CHRNE: variants seen among roughly 807,000 people sequenced by gnomAD.
CHRNE encodes the protein acetylcholine receptor subunit epsilon.
CHRNE carries 58 observed loss-of-function variants against 56.5 expected under a neutral mutation model. That is an observed-to-expected ratio of 1.03 (90% CI 0.83 to 1.28). The LOEUF is 1.28. Among genes scored for constraint, CHRNE ranks in the 50% most tolerant of loss-of-function variants. CHRNE has a pLI of 0.00. For missense variants in CHRNE, 793 were observed against 688.9 expected (o/e 1.15, Z -1.69); for synonymous variants, 385 against 297.9 (o/e 1.29, Z -3.01).
intron 6 of CHRNE, 120 bp downstream of exon 6, chr17:4,901,405 G>A: frequency 1.9e-6 from 2 of 1,041,706 alleles, no homozygotes; most frequent in Non-Finnish European, 3.0e-6. Flanking sequence ...ACAGGGGTAA[G>A]CTAAACCCAG....
chr17:4,907,984 G>C (rs1970112751), upstream of CHRNE, among the ~76,000 whole-genome samples: 1 of 152,092 alleles, frequency 6.6e-6, no homozygotes, highest in African/African-American at 2.4e-5. Context: ...GGACCAGCCT[G>C]ATCAACATGG....
At position 4,900,975 on chromosome 17, in the gene CHRNE, G is replaced by A. The variant is rs374113313; in HGVS notation, c.802+15C>T. 6.2e-7 allele frequency: 1 copy of A among 1,613,950 alleles called. No individual in the cohort carries two copies. The highest frequency in any genetic ancestry group is 8.5e-7 in the Non-Finnish European group (1 of 1,179,862). ...CGAGCCCGGGTTTGGGGGTAGGTTCGGGGCCACTGCTTACCCTGCGCCGGC... is the reference window on the plus strand; with the variant it reads ...CGAGCCCGGGTTTGGGGGTAGGTTCAGGGCCACTGCTTACCCTGCGCCGGC... On this transcript the variant is annotated intron_variant, in intron 7 of 11. Transcript: ENST00000649488.
intron 8 of CHRNE, chr17:4,900,570 G>A (rs1431286445): frequency 9.0e-6 from 14 of 1,549,436 alleles, no homozygotes; most frequent in Non-Finnish European, 1.1e-5. Context: ...GCACTGAGCC[G>A]GACTGTCCCC....
At chr17:4,906,346 G>A (rs1357628291), upstream of CHRNE, among the ~76,000 whole-genome samples, 1 of 152,124 alleles carries the variant, frequency 6.6e-6, no homozygotes, top group Non-Finnish European at 1.5e-5. Context: ...AAAACGGCCT[G>A]CCAGGATGCC....
At chr17:4,908,461 AGCAAAGCTCAGCCACCGTTCCTGCCAGC>A in intron 1 of CHRNE, among the ~76,000 whole-genome samples, 1 of 123,874 alleles carries the variant, frequency 8.1e-6, no homozygotes, top group Non-Finnish European at 1.8e-5. Context: ...CAGTGCTGGG[AGCAAAGCTCAGCCACCGTTCCTGCCAGC>A]GCTGGGAGCA....
upstream of CHRNE, among the ~76,000 whole-genome samples, chr17:4,903,315 C>T (rs932469382): frequency 6.6e-6 from 1 of 152,092 alleles, no homozygotes; most frequent in East Asian, 1.9e-4. Context: ...AACTCCCCAG[C>T]CACAGATGTG....
Position 4,902,155 on chromosome 17 carries a change from C to T in CHRNE, c.344+62G>A, listed in dbSNP as rs1185158099. Reference sequence around the variant, plus strand: ...CCTCTCAGAGTACCCCCTTCCCCAACCAAGTCCAGCCCGCACCCCAGGCCG... The same window carrying T: ...CCTCTCAGAGTACCCCCTTCCCCAATCAAGTCCAGCCCGCACCCCAGGCCG... On this transcript the variant is annotated intron_variant, in intron 4 of 11. Transcript: ENST00000649488. This position sits in a 1 kb window ranked among gnomAD's most constrained non-coding sequence, Gnocchi z 4.0. The T allele has an allele frequency of 1.2e-6, 2 of 1,613,876 alleles. No individual in the cohort carries two copies. The highest frequency in any genetic ancestry group is 1.7e-6 in the Non-Finnish European group (2 of 1,179,884).
In CHRNE at chr17:4,900,546, G is replaced by A. The variant is rs1487083879; in HGVS notation, c.917+247C>T. On this transcript the variant is annotated intron_variant, in intron 8 of 11. Transcript: ENST00000649488. ...CGGGGTGAGTTAGGGGCCAGAGGCGGCGGGGCTAGGGAGGCACTGAGCCGG... is the reference window on the plus strand; with the variant it reads ...CGGGGTGAGTTAGGGGCCAGAGGCGACGGGGCTAGGGAGGCACTGAGCCGG... 7 of 1,550,418 alleles carry A rather than the reference G, an allele frequency of 4.5e-6. No homozygotes were observed. In the East Asian group the frequency reaches 1.5e-4, roughly 32 times the overall value.
At chr17:4,901,281 C>T in intron 6 of CHRNE, 91 bp from the exon 7 acceptor site, 1 of 1,439,336 alleles carries the variant, frequency 6.9e-7, no homozygotes. Context: ...GCTGTCTGCA[C>T]CAGGGTCATG....
rs1437959064 is a variant in CHRNE at position 4,900,865 on chromosome 17, G to A, written c.845C>T (p.Ala282Val). The change falls in exon 8 of 12, where the codon GCC (alanine) becomes GTC (valine). Residue 282 changes from alanine (A) to valine (V), a missense_variant. Physicochemically the swap from Ala to Val is moderately conservative, Grantham distance 64. Coordinates refer to ENST00000649488, the MANE Select transcript of CHRNE (RefSeq NM_000080.4). Reference protein sequence around the residue: ...KCTVSINVLLAQTVFLFLIAQ... With the variant: ...KCTVSINVLLVQTVFLFLIAQ... ...AATGAGGAACAAGAAGACGGTCTGG[G>A]CGAGCAGGACGTTGATGGAGACCGT... The A allele has an allele frequency of 6.2e-7, 1 of 1,614,218 alleles. No homozygotes were observed. The highest frequency in any genetic ancestry group is 1.3e-5 in the African/African-American group (1 of 75,080).
At chr17:4,903,677 C>G (rs148444412), upstream of CHRNE, among the ~76,000 whole-genome samples, 872 of 152,178 alleles carry the variant, frequency 5.7e-3, 6 homozygotes, top group African/African-American at 0.019. Flanking sequence ...ACAACCTGAT[C>G]GCCAGGTTTG....
At chr17:4,899,849 G>A in intron 8 of CHRNE, 3 of 1,551,148 alleles carry the variant, frequency 1.9e-6, no homozygotes, top group Non-Finnish European at 1.7e-6. Flanking sequence ...GCCCGCCAAG[G>A]GCTGCACCTC....
Position 4,898,890 on chromosome 17 carries a change from TC to T in CHRNE, c.1327del (p.Glu443LysfsTer64), listed in dbSNP as rs763258280. On this transcript the variant is annotated frameshift_variant and splice_region_variant, in exon 12 of 12. Transcript: ENST00000649488. LOFTEE classifies it high-confidence loss of function. Reference protein sequence around the residue: ...STRDQEATGEEVSDWVRMGNA... With the variant: ...STRDQEATGEXVSDWVRMGNA... ...CCCCATGCGCACCCAGTCGGACACT[TC>T]CTGGGGAAGGGTCGGCACAGTCAGT... is the stretch of plus-strand genomic sequence containing the variant. 6.0e-5 allele frequency: 94 copies of T among 1,577,704 alleles called. No homozygotes were observed. The South Asian group carries it at 7.4e-4, about 12-fold the overall frequency.
chr17:4,904,699 G>A (rs58630090), upstream of CHRNE, among the ~76,000 whole-genome samples: 1,661 of 152,232 alleles, frequency 0.011, 28 homozygotes, highest in African/African-American at 0.034. Context: ...TATTGATCTC[G>A]CACACCTGTG....
Position 4,899,374 on chromosome 17 carries a change from T to G in CHRNE, c.1043A>C (p.Glu348Ala). 2 of 1,533,484 alleles carry G rather than the reference T, an allele frequency of 1.3e-6. No homozygotes were observed. Among genetic ancestry groups the G allele is most frequent in the Non-Finnish European group, 1.7e-6 (2 of 1,144,856 alleles). 95.0% of individuals were successfully genotyped at this position (1,533,484 alleles called of 1,614,324 possible). Residue 348 changes from glutamate (E) to alanine (A), a missense_variant, in exon 10 of 12, where the codon GAG (glutamate) becomes GCG (alanine). By Grantham distance (107) the Glu-to-Ala change is moderately radical. Transcript: ENST00000649488. ...MSPRLRHVLL[E>A]LLPRLLGSPP... ...GGAGCCCAGGAGGCGCGGCAGCAGC[T>G]CCAGGAGAACCTGGGGCAGGGGCGG...
intron 8 of CHRNE, chr17:4,900,463 G>T (rs749801173): frequency 6.4e-7 from 1 of 1,551,116 alleles, no homozygotes. Flanking sequence ...TCATTCCTGC[G>T]ACAGTCGCAA....
At chr17:4,899,156 G>T in intron 10 of CHRNE, 42 bp downstream of exon 10, 6 of 1,593,862 alleles carry the variant, frequency 3.8e-6, no homozygotes, top group Non-Finnish European at 5.1e-6. Flanking sequence ...CCCCCTGGCA[G>T]GCACCCCGCG....
At chr17:4,901,249 G>A (rs1270405374) in intron 6 of CHRNE, 59 bp from the exon 7 acceptor site, 8 of 1,570,542 alleles carry the variant, frequency 5.1e-6, no homozygotes, top group Non-Finnish European at 6.9e-6. Flanking sequence ...CGAGCTGACA[G>A]CGGGCTGAAG....
upstream of CHRNE, among the ~76,000 whole-genome samples, chr17:4,905,624 G>T (rs991997370): frequency 6.6e-6 from 1 of 151,842 alleles, no homozygotes. Flanking sequence ...ACTTTGGGAG[G>T]CCAAGGCAGG....
Sources: allele counts gnomAD v4.1 joint callset (sites outside exome capture counted in the v4.1 genomes callset), GRCh38; gene constraint gnomAD v4.1.1; non-coding constraint Gnocchi (gnomAD v3.1); transcripts MANE v1.5; gene names NCBI Gene and HGNC (gene_info 2026-07-23, HGNC 2026-07-21).